GRIK2: variants seen among roughly 807,000 people sequenced by gnomAD.
GRIK2 encodes glutamate receptor ionotropic, kainate 2.
In GRIK2, 32 loss-of-function variants were observed where a neutral mutation model predicts 100.3. The ratio of observed to expected loss-of-function variants is 0.32; its 90% CI spans 0.24 to 0.43. The LOEUF (loss-of-function observed/expected upper bound fraction) is 0.43, where lower values mean the gene tolerates loss of function less well. GRIK2 is among the 20% of genes least tolerant of loss of function. The probability of loss-of-function intolerance (pLI) is 1.00; values close to 1 mark genes in which losing one functional copy is unlikely to be tolerated. For missense variants in GRIK2, 843 were observed against 1,114.9 expected (o/e 0.76, Z 3.47); for synonymous variants, 417 against 389.4 (o/e 1.07, Z -0.83).
chr6:101,719,498 A>T (rs533871926), intron 7 of GRIK2, among the ~76,000 whole-genome samples: 21 of 152,128 alleles, frequency 1.4e-4, no homozygotes, highest in African/African-American at 5.1e-4. Context: ...AAAATTAACT[A>T]AGTATCTGTG....
chr6:101,755,564 C>T (rs1358895609), intron 7 of GRIK2, among the ~76,000 whole-genome samples: 1 of 152,114 alleles, frequency 6.6e-6, no homozygotes, highest in Non-Finnish European at 1.5e-5. Flanking sequence ...GAAGATTTTT[C>T]CTCATGGAGA....
intron 7 of GRIK2, among the ~76,000 whole-genome samples, chr6:101,797,370 G>A (rs961116795): frequency 3.3e-5 from 5 of 151,794 alleles, no homozygotes; most frequent in African/African-American, 4.8e-5. Context: ...TTCCTGAACA[G>A]GGAGGGTGGG....
chr6:101,644,101 A>G (rs2128325608), intron 4 of GRIK2, among the ~76,000 whole-genome samples: 1 of 151,926 alleles, frequency 6.6e-6, no homozygotes, highest in South Asian at 2.1e-4. Flanking sequence ...TTCCTTGGCC[A>G]AAGAAGAACC....
intron 2 of GRIK2, among the ~76,000 whole-genome samples, chr6:101,478,457 A>C (rs191966820): frequency 5.3e-4 from 81 of 151,578 alleles, no homozygotes; most frequent in Middle Eastern, 3.4e-3. Flanking sequence ...ACTTTTTATA[A>C]GTTACATTAT....
At chr6:101,740,210 G>T (rs1395169451) in intron 7 of GRIK2, among the ~76,000 whole-genome samples, 1 of 152,132 alleles carries the variant, frequency 6.6e-6, no homozygotes, top group African/African-American at 2.4e-5. Flanking sequence ...GGCCGGATCT[G>T]GTGTTAAATC....
intron 14 of GRIK2, among the ~76,000 whole-genome samples, chr6:101,958,253 T>TTGTG (rs1554292720): frequency 2.4e-4 from 34 of 139,534 alleles, no homozygotes; most frequent in African/African-American, 6.0e-4. Flanking sequence ...TGCTACATAT[T>TTGTG]TGTGTGTGTG....
intron 2 of GRIK2, among the ~76,000 whole-genome samples, chr6:101,419,909 T>G (rs55815021): frequency 0.026 from 3,989 of 152,310 alleles, 195 homozygotes; most frequent in African/African-American, 0.092. Flanking sequence ...GATGAGACAT[T>G]GCTCTTCTCA....
rs539412833 is a variant in GRIK2 at position 101,793,689 on chromosome 6, C to T, written c.952-5959C>T. Among the ~76,000 whole-genome samples the T allele has an allele frequency of 6.6e-5, 10 of 152,272 alleles. No individual in the cohort carries two copies. In the South Asian group the frequency reaches 8.3e-4, roughly 13 times the overall value. On this transcript the variant is annotated intron_variant, in intron 7 of 16. Coordinates refer to ENST00000369134, the MANE Select transcript of GRIK2 (RefSeq NM_021956.5). ...GACCCAGTTGAGGAGGCAGTCTGCCCGTTCTCAGATCTCCAGCTGCCTGCT... is the reference window on the plus strand; with the variant it reads ...GACCCAGTTGAGGAGGCAGTCTGCCTGTTCTCAGATCTCCAGCTGCCTGCT...
At chr6:101,465,107 CT>C (rs1387147316) in intron 2 of GRIK2, among the ~76,000 whole-genome samples, 1 of 152,076 alleles carries the variant, frequency 6.6e-6, no homozygotes, top group Non-Finnish European at 1.5e-5. Flanking sequence ...TGCCTGCTGA[CT>C]CTTAATTTTT....
intron 2 of GRIK2, among the ~76,000 whole-genome samples, chr6:101,582,595 A>G (rs1043356273): frequency 6.6e-6 from 1 of 152,136 alleles, no homozygotes; most frequent in Non-Finnish European, 1.5e-5. Context: ...TCAAAGCAGC[A>G]TGAGAATGGA....
intron 2 of GRIK2, among the ~76,000 whole-genome samples, chr6:101,558,432 G>A (rs1368332624): frequency 6.6e-6 from 1 of 152,138 alleles, no homozygotes; most frequent in African/African-American, 2.4e-5. Context: ...TTTCACAGAG[G>A]AAGTGGTATT....
In GRIK2 at chr6:101,767,947, C is replaced by T. The variant is rs796309081; in HGVS notation, c.952-31701C>T. 1.4e-3 allele frequency among the ~76,000 whole-genome samples: 213 copies of T among 152,098 alleles called. 1 individual carries two copies. Among genetic ancestry groups the T allele is most frequent in the African/African-American group, 4.6e-3 (191 of 41,474 alleles). Reference sequence around the variant, plus strand: ...ATCTCAGCTCACTGTTAACTTGTACCACACAGGCTCAAGTGATCCTCACAC... The same window carrying T: ...ATCTCAGCTCACTGTTAACTTGTACTACACAGGCTCAAGTGATCCTCACAC... On this transcript the variant is annotated intron_variant, in intron 7 of 16. Coordinates refer to ENST00000369134, the MANE Select transcript of GRIK2 (RefSeq NM_021956.5).
chr6:101,743,725 AT>A (rs893644629), intron 7 of GRIK2, among the ~76,000 whole-genome samples: 5 of 152,114 alleles, frequency 3.3e-5, no homozygotes, highest in Non-Finnish European at 5.9e-5. Context: ...TCACTTCCAT[AT>A]TTTTTCTTAC....
chr6:101,484,931 TGACA>T (rs1409958934), intron 2 of GRIK2, among the ~76,000 whole-genome samples: 5 of 152,304 alleles, frequency 3.3e-5, no homozygotes, highest in South Asian at 2.1e-4. Flanking sequence ...TTGGCGTACC[TGACA>T]GACAGCAGAC....
At chr6:102,036,579 T>G (rs2782916) in intron 15 of GRIK2, among the ~76,000 whole-genome samples, 53,266 of 150,004 alleles carry the variant, frequency 0.36, 9,937 homozygotes, top group African/African-American at 0.49. Flanking sequence ...GTGAAAGAAG[T>G]AGAGAGAGGG....
chr6:101,700,239 A>G (rs1402205779), intron 7 of GRIK2, among the ~76,000 whole-genome samples: 3 of 151,738 alleles, frequency 2.0e-5, no homozygotes, highest in Non-Finnish European at 2.9e-5. Flanking sequence ...AATAATAATA[A>G]TAATTGTTAT....
intron 7 of GRIK2, among the ~76,000 whole-genome samples, chr6:101,753,413 T>G (rs1006128526): frequency 1.3e-5 from 2 of 152,164 alleles, no homozygotes; most frequent in Admixed American, 1.3e-4. Context: ...AAGAAATCAT[T>G]TTGTTCTTTC....
In GRIK2 at chr6:101,538,779, G is replaced by A. The variant is rs74397195; in HGVS notation, c.116-83170G>A. Among the ~76,000 whole-genome samples the A allele has an allele frequency of 6.9e-3, 1,050 of 151,702 alleles. 15 individuals carry two copies. The highest frequency in any genetic ancestry group is 0.024 in the African/African-American group (1,001 of 41,454). On this transcript the variant is annotated intron_variant, in intron 2 of 16. Coordinates refer to ENST00000369134, the MANE Select transcript of GRIK2 (RefSeq NM_021956.5). ...TGTGACTGTGTTAGAAATGTCTGTA[G>A]AACAAGGACAAATGGGTTCCGAATA...
chr6:101,827,823 A>G (rs972744457), intron 10 of GRIK2, among the ~76,000 whole-genome samples: 1 of 151,954 alleles, frequency 6.6e-6, no homozygotes, highest in Non-Finnish European at 1.5e-5. Context: ...TAACAGCTAC[A>G]CGATAGTAGT....
Sources: gnomAD v4.1 joint callset for allele counts (sites outside exome capture counted in the v4.1 genomes callset) on GRCh38, gnomAD v4.1.1 for gene constraint, MANE v1.5 for transcripts, NCBI Gene and HGNC (gene_info 2026-07-23, HGNC 2026-07-21) for gene names.